SECISBP2L: variants seen among roughly 807,000 people sequenced by gnomAD.
The protein encoded by SECISBP2L is SECIS binding protein 2 like.
In SECISBP2L, 43 loss-of-function variants were observed where a neutral mutation model predicts 114.7. The ratio of observed to expected loss-of-function variants is 0.38; its 90% CI spans 0.29 to 0.48. The LOEUF (loss-of-function observed/expected upper bound fraction) is 0.48. Among genes scored for constraint, SECISBP2L ranks in the 20% least tolerant of loss-of-function variants. SECISBP2L has a pLI of 0.98. For synonymous variants in SECISBP2L, 451 were observed against 439.7 expected (o/e 1.03, Z -0.32); for missense variants, 1,136 against 1,301.1 (o/e 0.87, Z 1.95).
Position 49,016,995 on chromosome 15 carries a change from G to A in SECISBP2L, c.1272C>T (p.Asn424=). ...SSKVLDDLPE[N]SPINIVQTPI... is the part of the protein sequence containing the mutation. ...GAGTCTGAACTATATTGATTGGTGA[G>A]TTTTCAGGTAAATCATCCAACTATG... The change falls in exon 10 of 18, where the codon AAC becomes AAT. Residue 424 remains asparagine (N), a synonymous_variant. Transcript: ENST00000559471. 1 of 1,612,022 alleles carries A rather than the reference G, an allele frequency of 6.2e-7. No homozygotes were observed. The highest frequency in any genetic ancestry group is 8.5e-7 in the Non-Finnish European group (1 of 1,179,368).
At position 49,019,536 on chromosome 15, in the gene SECISBP2L, C is replaced by A. The variant is rs753115128; in HGVS notation, c.1052G>T (p.Arg351Leu). The A allele has an allele frequency of 4.7e-6, 7 of 1,482,950 alleles. No individual in the cohort carries two copies. The highest frequency in any genetic ancestry group is 5.3e-6 in the Non-Finnish European group (6 of 1,127,408). 91.9% of individuals were successfully genotyped at this position (1,482,950 alleles called of 1,614,324 possible). A position where few individuals can be genotyped will look rare whatever the true frequency, so the allele number is the denominator to read the frequency against. ...RNNSQVGFRCRGHSTSSERRQ... is the reference protein window; with the variant it reads ...RNNSQVGFRCLGHSTSSERRQ... ...TCTTTCTGAGGAAGTACTGTGTCCTCGGCATCTGAATCCAACCTAAGTAAA... is the reference window on the plus strand; with the variant it reads ...TCTTTCTGAGGAAGTACTGTGTCCTAGGCATCTGAATCCAACCTAAGTAAA... Residue 351 changes from arginine to leucine, a missense_variant, in exon 8 of 18, where the codon CGA (arginine) becomes CTA (leucine). Physicochemically the swap from Arg to Leu is moderately radical, Grantham distance 102 (BLOSUM62 -2). Transcript: ENST00000559471.
intron 8 of SECISBP2L, among the ~76,000 whole-genome samples, chr15:49,018,771 A>T (rs1242887264): frequency 6.6e-6 from 1 of 152,186 alleles, no homozygotes; most frequent in Middle Eastern, 3.4e-3. Context: ...CCTGCCACAA[A>T]CCCAAAGTGA....
At chr15:49,023,771 G>A (rs1482778998) in intron 7 of SECISBP2L, among the ~76,000 whole-genome samples, 1 of 152,158 alleles carries the variant, frequency 6.6e-6, no homozygotes, top group Non-Finnish European at 1.5e-5. Flanking sequence ...AGTGAGCAAA[G>A]CAGAGAACAG....
chr15:49,001,813 T>C (rs531251865), intron 14 of SECISBP2L: 5 of 152,396 alleles, frequency 3.3e-5, no homozygotes, highest in African/African-American at 9.6e-5. Flanking sequence ...TATGGCTATA[T>C]AGTATTCCAT....
intron 1 of SECISBP2L, 59 bp from the exon 2 acceptor site, chr15:49,037,828 C>A: frequency 7.0e-7 from 1 of 1,419,792 alleles, no homozygotes; most frequent in South Asian, 1.4e-5. Flanking sequence ...CCTACAAATT[C>A]AAAATTTAAC....
chr15:49,017,160 A>C, intron 9 of SECISBP2L, 145 bp from the exon 10 acceptor site: 1 of 764,852 alleles, frequency 1.3e-6, no homozygotes, highest in Non-Finnish European at 2.0e-6. Context: ...AGGATTTGAC[A>C]GTGGGACCAT....
intron 7 of SECISBP2L, among the ~76,000 whole-genome samples, chr15:49,027,073 T>C (rs528217343): frequency 1.8e-4 from 28 of 152,336 alleles, no homozygotes; most frequent in African/African-American, 4.8e-4. Context: ...TGAATTTTTA[T>C]GTGGGAAAAA....
At position 48,998,208 on chromosome 15, in the gene SECISBP2L, C is replaced by A. The variant is rs549115459; in HGVS notation, c.2404-1622G>T. 7.1e-4 allele frequency among the ~76,000 whole-genome samples: 108 copies of A among 152,292 alleles called. 3 individuals are homozygous for A. In the South Asian group the frequency reaches 0.022, roughly 30 times the overall value. ...GTAGAATAATAAGTCTCTGAAGATT[C>A]ATCTCAAGAGGGAAAAATATAAGTA... On this transcript the variant is annotated intron_variant, in intron 16 of 17. Coordinates refer to ENST00000559471, the MANE Select transcript of SECISBP2L (RefSeq NM_001193489.2).
intron 6 of SECISBP2L, 92 bp from the exon 7 acceptor site, chr15:49,027,572 A>G: frequency 1.5e-6 from 1 of 675,070 alleles, no homozygotes; most frequent in Non-Finnish European, 2.4e-6. Flanking sequence ...TTCAGTCACT[A>G]GAAATGTAAT....
At chr15:48,999,710 C>G (rs966248693) in intron 16 of SECISBP2L, 123 bp downstream of exon 16, 1 of 1,052,464 alleles carries the variant, frequency 9.5e-7, no homozygotes, top group African/African-American at 1.6e-5. Flanking sequence ...TCCATTTATT[C>G]TTTCAGGGTT....
intron 16 of SECISBP2L, among the ~76,000 whole-genome samples, chr15:48,998,028 T>C (rs1050629876): frequency 1.5e-4 from 23 of 152,230 alleles, no homozygotes; most frequent in Non-Finnish European, 2.6e-4. Flanking sequence ...ATCCCATTCC[T>C]GTTAAATGTC....
intron 13 of SECISBP2L, 77 bp from the exon 14 acceptor site, chr15:49,009,455 T>G (rs982758138): frequency 7.0e-7 from 1 of 1,427,492 alleles, no homozygotes. Context: ...CAATGCAATT[T>G]AGAATGGCCA....
intron 1 of SECISBP2L, among the ~76,000 whole-genome samples, chr15:49,040,557 A>C: frequency 2.4e-5 from 1 of 42,212 alleles, no homozygotes; most frequent in Non-Finnish European, 5.5e-5. Context: ...TTTTTTTGAG[A>C]CGGAGTCTTG....
chr15:48,992,789 G>A lies in SECISBP2L; in HGVS notation c.2761C>T (p.Pro921Ser), dbSNP rs1344706959. ...GTACTGCCTGTAGCCACTAATGATG[G>A]CTGCTTACCAATTGGGGGTGTGTCA... Reference protein sequence around the residue: ...PFDTPPIGKQPSLVATGSTTS... With the variant: ...PFDTPPIGKQSSLVATGSTTS... Residue 921 changes from proline (P) to serine (S), a missense_variant, in exon 18 of 18, where the codon CCA (proline) becomes TCA (serine). Physicochemically the swap from Pro to Ser is moderately conservative, Grantham distance 74. Coordinates refer to ENST00000559471, the MANE Select transcript of SECISBP2L (RefSeq NM_001193489.2). 6.2e-7 allele frequency: 1 copy of A among 1,614,046 alleles called. No homozygotes were observed. Among genetic ancestry groups the A allele is most frequent in the Non-Finnish European group, 8.5e-7 (1 of 1,180,046 alleles).
intron 3 of SECISBP2L, among the ~76,000 whole-genome samples, chr15:49,033,328 ATAAT>A (rs1301239738): frequency 9.2e-5 from 14 of 152,236 alleles, no homozygotes; most frequent in African/African-American, 2.2e-4. Flanking sequence ...TTTTCAAATA[ATAAT>A]TAACACAAGT....
At chr15:49,031,836 G>A (rs1902895048) in intron 4 of SECISBP2L, among the ~76,000 whole-genome samples, 1 of 152,142 alleles carries the variant, frequency 6.6e-6, no homozygotes, top group Non-Finnish European at 1.5e-5. Flanking sequence ...AAAGAAGTAA[G>A]GATATTTTAA....
chr15:49,043,895 G>C (rs942591217), intron 1 of SECISBP2L, among the ~76,000 whole-genome samples: 33 of 150,026 alleles, frequency 2.2e-4, no homozygotes, highest in Non-Finnish European at 3.4e-4. Flanking sequence ...TCTATAAAAA[G>C]ATTTTATATA....
Position 49,035,510 on chromosome 15 carries a change from G to C in SECISBP2L, c.352C>G (p.Gln118Glu), listed in dbSNP as rs1462859575. The C allele has an allele frequency of 1.2e-6, 2 of 1,614,142 alleles. No individual in the cohort carries two copies. Among genetic ancestry groups the C allele is most frequent in the Admixed American group, 3.3e-5 (2 of 60,020 alleles). The change falls in exon 3 of 18, where the codon CAG becomes GAG. Residue 118 changes from glutamine to glutamate, a missense_variant. Gln to Glu is a conservative substitution (Grantham distance 29). Coordinates refer to ENST00000559471, the MANE Select transcript of SECISBP2L (RefSeq NM_001193489.2). ...AAAGGATGATAGAAACCCATAACCTGGGCACATGGTGCTGGCATCAGCTGA... is the reference window on the plus strand; with the variant it reads ...AAAGGATGATAGAAACCCATAACCTCGGCACATGGTGCTGGCATCAGCTGA... ...YYQLMPAPCA[Q>E]VMGFYHPFPT... is the part of the protein sequence containing the mutation.
intron 14 of SECISBP2L, among the ~76,000 whole-genome samples, chr15:49,003,085 T>C (rs1037033135): frequency 6.6e-6 from 1 of 152,212 alleles, no homozygotes; most frequent in African/African-American, 2.4e-5. Flanking sequence ...TCCGTGAGCA[T>C]GGAATGTTTT....
Sources: gnomAD v4.1 joint callset for allele counts (sites outside exome capture counted in the v4.1 genomes callset) on GRCh38, gnomAD v4.1.1 for gene constraint, MANE v1.5 for transcripts, NCBI Gene and HGNC (gene_info 2026-07-23, HGNC 2026-07-21) for gene names.